The following LIMCH1 variants were observed in gnomAD, a reference collection of about 807,000 sequenced individuals.
The protein encoded by LIMCH1 is LIM and calponin homology domains 1, also known as LIM and calponin homology domains-containing protein 1.
LIMCH1 carries 113 observed loss-of-function variants against 176.5 expected under a neutral mutation model. The ratio of observed to expected loss-of-function variants is 0.64; its 90% CI spans 0.55 to 0.75. The LOEUF (loss-of-function observed/expected upper bound fraction) is 0.75. Among genes scored for constraint, LIMCH1 ranks in the 30% least tolerant of loss-of-function variants. The pLI, the probability that LIMCH1 is intolerant of heterozygous loss-of-function variation, is 0.00. For synonymous variants in LIMCH1, 619 were observed against 645.9 expected (o/e 0.96, Z 0.63); for missense variants, 1,674 against 1,814.9 (o/e 0.92, Z 1.41).
chr4:41,644,454 G>C (rs1272328630), intron 14 of LIMCH1, 46 bp from the exon 15 acceptor site: 2 of 1,442,600 alleles, frequency 1.4e-6, no homozygotes, highest in Non-Finnish European at 1.8e-6. Flanking sequence ...GAGACGCGAC[G>C]GGCGCTGATC....
At chr4:41,631,044 A>G (rs1270788872) in intron 9 of LIMCH1, 104 bp from the exon 10 acceptor site, 5 of 973,048 alleles carry the variant, frequency 5.1e-6, no homozygotes, top group Non-Finnish European at 7.3e-6. Context: ...ACTCACTGAT[A>G]GGGAGGGCCA....
intron 22 of LIMCH1, among the ~76,000 whole-genome samples, chr4:41,671,969 A>G (rs552098672): frequency 5.3e-5 from 8 of 152,220 alleles, no homozygotes; most frequent in African/African-American, 1.9e-4. Flanking sequence ...TAAAAGTCAT[A>G]TATAACGCCA....
intron 1 of LIMCH1, among the ~76,000 whole-genome samples, chr4:41,427,502 G>C (rs952594087): frequency 6.6e-6 from 1 of 152,132 alleles, no homozygotes; most frequent in African/African-American, 2.4e-5. Flanking sequence ...AAATCACTTG[G>C]TTCCGAGCAG....
intron 1 of LIMCH1, among the ~76,000 whole-genome samples, chr4:41,567,899 A>AAG (rs2082984803): frequency 6.6e-6 from 1 of 152,218 alleles, no homozygotes; most frequent in African/African-American, 2.4e-5. Flanking sequence ...TCATGCCTGT[A>AAG]ATCCCAGCAC....
At chr4:41,473,172 A>G (rs1386355065) in intron 1 of LIMCH1, 3 of 985,256 alleles carry the variant, frequency 3.0e-6, no homozygotes, top group African/African-American at 3.5e-5. Context: ...GGACCTGCCA[A>G]TACCGAGAGT....
At chr4:41,476,608 T>C (rs187266705) in intron 1 of LIMCH1, among the ~76,000 whole-genome samples, 2 of 152,338 alleles carry the variant, frequency 1.3e-5, no homozygotes, top group Middle Eastern at 3.4e-3. Context: ...CCTGCCATAA[T>C]ACATTATTTA....
rs965621988 is a variant in LIMCH1, at chr4:41,460,476, A to ATATATATC, written c.97-34057_97-34056insATATCTAT. Reference sequence around the variant, plus strand: ...TAATCATCTATATATATATATATATATATCTTATAATATCATGTTATAGAT... The same window carrying ATATATATC: ...TAATCATCTATATATATATATATATATATATATCTATCTTATAATATCATGTTATAGAT... On this transcript the variant is annotated intron_variant, in intron 1 of 26. Transcript: ENST00000313860. Among the ~76,000 whole-genome samples the ATATATATC allele has an allele frequency of 2.1e-5, 3 of 142,666 alleles. 1 individual carries two copies. The highest frequency in any genetic ancestry group is 8.2e-5 in the African/African-American group (3 of 36,754). The allele number at this position is 142,666 out of a possible 152,430, so 93.6% of individuals were successfully genotyped here. A position where few individuals can be genotyped will look rare whatever the true frequency, so the allele number is the denominator to read the frequency against.
chr4:41,553,601 G>C (rs147286485), intron 1 of LIMCH1, among the ~76,000 whole-genome samples: 2 of 152,242 alleles, frequency 1.3e-5, no homozygotes, highest in East Asian at 1.9e-4. Flanking sequence ...GGTAAAGGAC[G>C]TGGGATCCCT....
chr4:41,605,763 T>G (rs1584772958), intron 3 of LIMCH1, 131 bp from the exon 4 acceptor site: 1 of 519,650 alleles, frequency 1.9e-6, no homozygotes. Flanking sequence ...ACCTCATGGG[T>G]GGTGGTTTTT....
chr4:41,482,541 G>A (rs957232968), intron 1 of LIMCH1, among the ~76,000 whole-genome samples: 3 of 152,072 alleles, frequency 2.0e-5, no homozygotes, highest in Admixed American at 2.0e-4. Flanking sequence ...ATGCTTCTGC[G>A]ATGTTACAAT....
intron 1 of LIMCH1, among the ~76,000 whole-genome samples, chr4:41,577,542 A>C (rs1320669146): frequency 6.6e-6 from 1 of 152,024 alleles, no homozygotes; most frequent in Non-Finnish European, 1.5e-5. Context: ...TGATCCTCCT[A>C]TCTCAGCTTC....
intron 2 of LIMCH1, among the ~76,000 whole-genome samples, chr4:41,507,514 A>G (rs898160452): frequency 1.3e-5 from 2 of 152,220 alleles, no homozygotes; most frequent in African/African-American, 2.4e-5. Context: ...AACTGGGGTC[A>G]GAGACTAAAT....
chr4:41,449,245 C>T (rs142092185), intron 1 of LIMCH1, among the ~76,000 whole-genome samples: 1 of 152,034 alleles, frequency 6.6e-6, no homozygotes, highest in South Asian at 2.1e-4. Flanking sequence ...GCTTTTCTCT[C>T]CCGATGACAC....
intron 1 of LIMCH1, among the ~76,000 whole-genome samples, chr4:41,539,016 C>G (rs2078286431): frequency 6.6e-6 from 1 of 152,034 alleles, no homozygotes; most frequent in South Asian, 2.1e-4. Flanking sequence ...CCCGTCAGAC[C>G]CGTCTGAATG....
Position 41,631,345 on chromosome 4 carries a change from C to T in LIMCH1, c.1469C>T (p.Ala490Val). The T allele has an allele frequency of 6.5e-7, 1 of 1,536,224 alleles. No homozygotes were observed. The highest frequency in any genetic ancestry group is 1.7e-4 in the Middle Eastern group (1 of 5,990). ...QKWKRLSIGK[A>V]GPREDEEEVI... Reference sequence around the variant, plus strand: ...TGGAAGCGGCTTAGCATTGGCAAGGCTGGGCCTAGAGAGGATGAAGAAGAA... The same window carrying T: ...TGGAAGCGGCTTAGCATTGGCAAGGTTGGGCCTAGAGAGGATGAAGAAGAA... Residue 490 changes from alanine (A) to valine (V), a missense_variant, in exon 10 of 32, where the codon GCT becomes GTT. Ala to Val is a moderately conservative substitution (Grantham distance 64). This residue lies in a region of LIMCH1 where 655 missense variants were observed against 692.2 expected (regional missense o/e 0.95). Coordinates refer to ENST00000503057, the MANE Select transcript of LIMCH1 (RefSeq NM_001330672.2).
intron 17 of LIMCH1, among the ~76,000 whole-genome samples, chr4:41,649,198 G>A (rs1265584843): frequency 4.6e-5 from 7 of 152,118 alleles, no homozygotes; most frequent in Admixed American, 6.5e-5. Context: ...CCAGGAGTTC[G>A]AGACCAGTCT....
intron 1 of LIMCH1, among the ~76,000 whole-genome samples, chr4:41,370,192 C>T (rs1032965927): frequency 6.6e-6 from 1 of 152,132 alleles, no homozygotes; most frequent in African/African-American, 2.4e-5. Context: ...GGCCTTAGGG[C>T]TCTCACCTTC....
intron 21 of LIMCH1, 74 bp from the exon 22 acceptor site, chr4:41,671,480 A>G: frequency 8.0e-7 from 1 of 1,249,732 alleles, no homozygotes; most frequent in Non-Finnish European, 1.2e-6. Context: ...TACTCCACTG[A>G]TAGGTCAAAA....
At position 41,654,387 on chromosome 4, in the gene LIMCH1, C is replaced by T. The variant is rs980584303; in HGVS notation, c.3036+3779C>T. 4.6e-5 allele frequency among the ~76,000 whole-genome samples: 7 copies of T among 152,066 alleles called. No individual in the cohort carries two copies. The East Asian group carries it at 5.8e-4, about 13-fold the overall frequency. On this transcript the variant is annotated intron_variant, in intron 18 of 31. Transcript: ENST00000503057. ...GAATCTCCAGATGATTTTGCCCAAC[C>T]GCGAATGTAAGCGTTCTGAGCATGT...
Sources: gnomAD v4.1 joint callset for allele counts (sites outside exome capture counted in the v4.1 genomes callset) on GRCh38, gnomAD v4.1.1 for gene constraint, gnomAD v4.1.1 regional missense constraint, MANE v1.5 for transcripts, NCBI Gene and HGNC (gene_info 2026-07-23, HGNC 2026-07-21) for gene names.